COL11A1: variants seen among roughly 807,000 people sequenced by gnomAD.
COL11A1 encodes the protein collagen alpha-1(XI) chain.
Under a neutral mutation model 265.2 loss-of-function variants are expected in COL11A1, and 74 were observed. That is an observed-to-expected ratio of 0.28 (90% CI 0.23 to 0.34). The LOEUF (loss-of-function observed/expected upper bound fraction) is 0.34. COL11A1 is among the 10% of genes least tolerant of loss of function. COL11A1 has a pLI of 1.00. For synonymous variants in COL11A1, 816 were observed against 727.6 expected, an observed-to-expected ratio of 1.12 and a Z score of -1.96; for missense variants, 2,165 against 2,263.6, an observed-to-expected ratio of 0.96 and a Z score of 0.88.
rs1055842402 is a variant in COL11A1, at chr1:103,108,400, C to A, written c.-222G>T. 19 of 612,582 alleles carry A rather than the reference C, an allele frequency of 3.1e-5. No homozygotes were observed. The highest frequency in any genetic ancestry group is 4.4e-5 in the Non-Finnish European group (15 of 343,864). 37.9% of individuals were successfully genotyped at this position (612,582 alleles called of 1,614,324 possible). On this transcript the variant is annotated 5_prime_UTR_variant, in exon 1 of 67. Transcript: ENST00000370096. Reference sequence around the variant, plus strand: ...CTGAGTTGGCCCCACCGGCCGGGACCCTCCGGCCGCGACCCTCTGATCCTT... The same window carrying A: ...CTGAGTTGGCCCCACCGGCCGGGACACTCCGGCCGCGACCCTCTGATCCTT...
chr1:103,039,579 G>C (rs1275289003), intron 4 of COL11A1, among the ~76,000 whole-genome samples: 1 of 151,910 alleles, frequency 6.6e-6, no homozygotes, highest in African/African-American at 2.4e-5. Context: ...TCCAAGCCAA[G>C]GCAAGAACGC....
intron 64 of COL11A1, among the ~76,000 whole-genome samples, chr1:102,882,265 T>G (rs1478187195): frequency 1.3e-5 from 2 of 152,158 alleles, no homozygotes; most frequent in African/African-American, 4.8e-5. Flanking sequence ...ATTTAGAATC[T>G]TATAGATCTG....
intron 2 of COL11A1, among the ~76,000 whole-genome samples, chr1:103,079,977 G>A (rs1672273777): frequency 1.3e-5 from 2 of 151,842 alleles, no homozygotes. Context: ...GGGAGAGGAT[G>A]CTTATGTGTA....
intron 5 of COL11A1, among the ~76,000 whole-genome samples, chr1:103,027,442 T>TATATGC (rs1557966682): frequency 1.0e-5 from 1 of 95,564 alleles, no homozygotes; most frequent in Non-Finnish European, 2.2e-5. Context: ...TATATATATA[T>TATATGC]ATGCATGCAT....
intron 63 of COL11A1, among the ~76,000 whole-genome samples, chr1:102,883,537 C>A (rs1650540671): frequency 6.6e-6 from 1 of 152,116 alleles, no homozygotes; most frequent in Admixed American, 6.6e-5. Context: ...ACCTGGAATA[C>A]CTTTTTAAAA....
At chr1:102,922,847 A>T (rs1183266477) in intron 47 of COL11A1, among the ~76,000 whole-genome samples, 1 of 152,182 alleles carries the variant, frequency 6.6e-6, no homozygotes, top group Non-Finnish European at 1.5e-5. Flanking sequence ...ATTTTGAAGG[A>T]AGTGAAAATT....
chr1:102,962,287 G>A (rs199742223), intron 39 of COL11A1, 22 bp from the exon 40 acceptor site: 228 of 1,551,314 alleles, frequency 1.5e-4, no homozygotes, highest in Non-Finnish European at 1.8e-4. Flanking sequence ...AATAAACATC[G>A]TCAAGACAGA....
intron 3 of COL11A1, among the ~76,000 whole-genome samples, chr1:103,077,495 A>G (rs541161729): frequency 6.6e-6 from 1 of 152,180 alleles, no homozygotes; most frequent in South Asian, 2.1e-4. Flanking sequence ...TAATTTGTTT[A>G]TAGGATAATA....
chr1:103,054,296 C>T (rs894645915), intron 4 of COL11A1, among the ~76,000 whole-genome samples: 1 of 152,114 alleles, frequency 6.6e-6, no homozygotes, highest in Non-Finnish European at 1.5e-5. Context: ...CACATGCGAA[C>T]CAAAGATCTA....
In COL11A1 at chr1:103,097,753, T is replaced by C. The variant is rs115261279; in HGVS notation, c.106+10320A>G. Among the ~76,000 whole-genome samples the C allele has an allele frequency of 3.1e-3, 469 of 152,132 alleles. 1 individual carries two copies. The highest frequency in any genetic ancestry group is 0.011 in the African/African-American group (439 of 41,554). ...GGAAGAGCATTTAATAGGGATTTAATAGATATTTGTTGAATAAGTAAATGA... is the reference window on the plus strand; with the variant it reads ...GGAAGAGCATTTAATAGGGATTTAACAGATATTTGTTGAATAAGTAAATGA... On this transcript the variant is annotated intron_variant, in intron 1 of 66. Transcript: ENST00000370096.
intron 4 of COL11A1, among the ~76,000 whole-genome samples, chr1:103,062,360 G>A (rs767337838): frequency 3.3e-5 from 5 of 151,738 alleles, no homozygotes; most frequent in Non-Finnish European, 7.4e-5. Flanking sequence ...TCAAAACCAG[G>A]TGAAAACATT....
In COL11A1 at chr1:102,965,492, G is replaced by A. The variant is rs1202026855; in HGVS notation, c.2911C>T (p.Pro971Ser). Residue 971 changes from proline (P) to serine (S), a missense_variant, in exon 38 of 67, where the codon CCA (proline) becomes TCA (serine). By Grantham distance (74) the Pro-to-Ser change is moderately conservative. Transcript: ENST00000370096. ...GPPGPGGVVGPQGPTGETGPI... is the reference protein window; with the variant it reads ...GPPGPGGVVGSQGPTGETGPI... ...AATAAAGCAAAGGAACATACCTGTGGTCCAACCACTCCCCCTGGCCCAGGA... is the reference window on the plus strand; with the variant it reads ...AATAAAGCAAAGGAACATACCTGTGATCCAACCACTCCCCCTGGCCCAGGA... The A allele has an allele frequency of 6.2e-7, 1 of 1,613,456 alleles. No individual in the cohort carries two copies. Among genetic ancestry groups the A allele is most frequent in the Non-Finnish European group, 8.5e-7 (1 of 1,179,608 alleles).
chr1:102,943,443 A>G (rs1048950151), intron 42 of COL11A1, among the ~76,000 whole-genome samples: 1 of 117,286 alleles, frequency 8.5e-6, no homozygotes, highest in Admixed American at 8.2e-5. Flanking sequence ...AGATACACAC[A>G]CACACACATA....
intron 1 of COL11A1, among the ~76,000 whole-genome samples, chr1:103,088,120 T>C (rs1673022800): frequency 6.6e-6 from 1 of 152,172 alleles, no homozygotes; most frequent in Non-Finnish European, 1.5e-5. Context: ...TGATGAAACA[T>C]CTCATAATAC....
intron 4 of COL11A1, among the ~76,000 whole-genome samples, chr1:103,041,839 A>C (rs1010101744): frequency 2.0e-5 from 3 of 152,004 alleles, no homozygotes; most frequent in African/African-American, 7.2e-5. Flanking sequence ...TGAAAGCGAG[A>C]ATTCCCTACT....
Position 102,889,469 on chromosome 1 carries a change from C to T in COL11A1, c.4450G>A (p.Ala1484Thr), listed in dbSNP as rs1451135643. Residue 1484 changes from alanine (A) to threonine (T), a missense_variant, in exon 59 of 67, where the codon GCA (alanine) becomes ACA (threonine). Coordinates refer to ENST00000370096, the MANE Select transcript of COL11A1 (RefSeq NM_001854.4). ...TTTTTACTCACCCCATCCCCTTTTG[C>T]TCCTGGAGATCCTTGAGTTCCAGGG... is the stretch of plus-strand genomic sequence containing the variant. ...GLPGTQGSPG[A>T]KGDGGIPGPA... 1.9e-6 allele frequency: 3 copies of T among 1,612,978 alleles called. No individual in the cohort carries two copies. Among genetic ancestry groups the T allele is most frequent in the Non-Finnish European group, 2.5e-6 (3 of 1,179,552 alleles).
intron 14 of COL11A1, among the ~76,000 whole-genome samples, chr1:103,011,105 T>C (rs1344717497): frequency 6.6e-6 from 1 of 152,182 alleles, no homozygotes; most frequent in Admixed American, 6.5e-5. Flanking sequence ...GTTCCAATCC[T>C]GAATCTACAA....
chr1:102,913,612 A>C, intron 53 of COL11A1, 25 bp downstream of exon 53: 1 of 1,608,428 alleles, frequency 6.2e-7, no homozygotes, highest in South Asian at 1.1e-5. Flanking sequence ...TAAAAACTTA[A>C]AAATAAATTA....
Position 102,969,859 on chromosome 1 carries a change from G to A in COL11A1, c.2862+360C>T, listed in dbSNP as rs144318271. Reference sequence around the variant, plus strand: ...TAATCTGTTGCCTTTAGAGTGGAGAGATGATGGGTTTGAGTGGAATGTATC... The same window carrying A: ...TAATCTGTTGCCTTTAGAGTGGAGAAATGATGGGTTTGAGTGGAATGTATC... On this transcript the variant is annotated intron_variant, in intron 37 of 66. Transcript: ENST00000370096. Among the ~76,000 whole-genome samples, 474 of 152,248 alleles carry A rather than the reference G, an allele frequency of 3.1e-3. 4 individuals are homozygous for A. Among genetic ancestry groups the A allele is most frequent in the African/African-American group, 0.01 (433 of 41,554 alleles).
Sources: allele counts gnomAD v4.1 joint callset (sites outside exome capture counted in the v4.1 genomes callset), GRCh38; gene constraint gnomAD v4.1.1; transcripts MANE v1.5; gene names NCBI Gene and HGNC (gene_info 2026-07-23, HGNC 2026-07-21).